The following C10orf67 variants were observed in gnomAD, a reference collection of about 807,000 sequenced individuals.
C10orf67 encodes the protein uncharacterized protein C10orf67, mitochondrial.
Under a neutral mutation model 35.6 loss-of-function variants are expected in C10orf67, and 60 were observed. The observed-to-expected ratio is 1.68, with a 90% confidence interval of 1.37 to 2.09. The LOEUF is 2.09. Among genes scored for constraint, C10orf67 ranks in the 30% most tolerant of loss-of-function variants. C10orf67 has a pLI of 0.00. For synonymous variants in C10orf67, 167 were observed against 115.8 expected (o/e 1.44, Z -2.84); for missense variants, 474 against 330.2 (o/e 1.44, Z -3.38).
chr10:23,245,652 G>A (rs961038456), intron 12 of C10orf67, among the ~76,000 whole-genome samples: 2 of 152,122 alleles, frequency 1.3e-5, no homozygotes, highest in Non-Finnish European at 2.9e-5. Flanking sequence ...ACCACAATAA[G>A]ATATCACCTC....
rs1843666416 is a variant in C10orf67 at position 23,289,930 on chromosome 10, C to T, written c.879G>A (p.Met293Ile). Residue 293 changes from methionine to isoleucine, a missense_variant, in exon 7 of 16, where the codon ATG (methionine) becomes ATA (isoleucine). Met to Ile is a conservative substitution (Grantham distance 10). Transcript: ENST00000636213. ...GAATAGTTTTGTGATCCTTTTCTGC[C>T]ATCTCTTTCATACTTATAAGTTCAT... is the stretch of plus-strand genomic sequence containing the variant. The part of the protein sequence containing the change: ...LEDELISMKE[M>I]AEKDHKTIQK... The T allele has an allele frequency of 1.4e-6, 1 of 716,830 alleles. No homozygotes were observed. The highest frequency in any genetic ancestry group is 1.5e-5 in the South Asian group (1 of 67,424). The allele number at this position is 716,830 out of a possible 1,614,324, so 44.4% of individuals were successfully genotyped here. A position where few individuals can be genotyped will look rare whatever the true frequency, so the allele number is the denominator to read the frequency against.
downstream of C10orf67, chr10:23,202,296 C>T (rs1436012022): frequency 6.6e-6 from 1 of 152,216 alleles, no homozygotes; most frequent in Non-Finnish European, 1.5e-5. Context: ...AGGAAAAGCG[C>T]TGCCAGTTGC....
intron 15 of C10orf67, among the ~76,000 whole-genome samples, chr10:23,216,605 A>C (rs948907925): frequency 3.3e-5 from 5 of 152,204 alleles, no homozygotes; most frequent in African/African-American, 1.2e-4. Flanking sequence ...TATATTGTAG[A>C]ATATTCATAT....
intron 10 of C10orf67, among the ~76,000 whole-genome samples, chr10:23,255,001 A>G (rs1355377375): frequency 1.3e-5 from 2 of 152,120 alleles, no homozygotes; most frequent in Non-Finnish European, 2.9e-5. Context: ...CCTCTTTAAA[A>G]CCTCAATCAC....
intron 2 of C10orf67, among the ~76,000 whole-genome samples, chr10:23,329,191 G>C (rs78222786): frequency 6.6e-6 from 1 of 151,690 alleles, no homozygotes; most frequent in African/African-American, 2.4e-5. Context: ...TCTGCCAAGA[G>C]TCACTAAGAA....
In C10orf67 at chr10:23,233,510, G is replaced by C. The variant is rs552730270; in HGVS notation, c.1434+6219C>G. On this transcript the variant is annotated intron_variant, in intron 13 of 15. Coordinates refer to ENST00000636213, the MANE Select transcript of C10orf67 (RefSeq NM_001371909.1). ...CTGTGGAAGTCATGATTTTTAAAAAGTAGCTGGTGAGGTTAAACATAAACA... is the reference window on the plus strand; with the variant it reads ...CTGTGGAAGTCATGATTTTTAAAAACTAGCTGGTGAGGTTAAACATAAACA... Among the ~76,000 whole-genome samples the C allele has an allele frequency of 3.3e-5, 5 of 152,306 alleles. No individual in the cohort carries two copies. In the South Asian group the frequency reaches 8.3e-4, roughly 25 times the overall value.
rs567577857 is a variant in C10orf67, at chr10:23,295,091, G to A, written c.703-3812C>T. On this transcript the variant is annotated intron_variant, in intron 5 of 15. Transcript: ENST00000636213. ...GGAGAGCAGACACGTATGCTTTGTC[G>A]GGGTCTCCAGGAGAAATCCATACAC... Among the ~76,000 whole-genome samples the A allele has an allele frequency of 7.9e-5, 12 of 152,262 alleles. No individual in the cohort carries two copies. The East Asian group carries it at 1.9e-3, about 25-fold the overall frequency.
chr10:23,311,980 A>C (rs770949955), intron 4 of C10orf67, among the ~76,000 whole-genome samples: 35 of 152,220 alleles, frequency 2.3e-4, no homozygotes, highest in Admixed American at 5.9e-4. Flanking sequence ...CAAAGGCGAT[A>C]TATCAACCTT....
intron 12 of C10orf67, among the ~76,000 whole-genome samples, chr10:23,243,055 C>G (rs1842223673): frequency 6.6e-6 from 1 of 152,100 alleles, no homozygotes; most frequent in Non-Finnish European, 1.5e-5. Context: ...ACCATGCACT[C>G]TTAACCAAAT....
At chr10:23,328,786 C>T (rs1395429715) in intron 2 of C10orf67, among the ~76,000 whole-genome samples, 1 of 150,662 alleles carries the variant, frequency 6.6e-6, no homozygotes, top group Non-Finnish European at 1.5e-5. Context: ...AAGTTTGAGG[C>T]CAGCCTGGGC....
intron 2 of C10orf67, among the ~76,000 whole-genome samples, chr10:23,328,929 G>A (rs1304831313): frequency 3.5e-5 from 5 of 144,820 alleles, no homozygotes; most frequent in East Asian, 2.0e-4. Flanking sequence ...AGGCTGCAGT[G>A]AGCCATGATT....
chr10:23,342,094 T>A (rs1176516931), intron 1 of C10orf67, among the ~76,000 whole-genome samples: 1 of 151,622 alleles, frequency 6.6e-6, no homozygotes, highest in Admixed American at 6.6e-5. Flanking sequence ...ACTCCAGGAG[T>A]TCAAGGCTGC....
intron 15 of C10orf67, among the ~76,000 whole-genome samples, chr10:23,216,335 C>G (rs947057185): frequency 2.0e-5 from 3 of 151,994 alleles, no homozygotes; most frequent in African/African-American, 7.2e-5. Flanking sequence ...ATCATATCAG[C>G]AAAAATTAAA....
intron 4 of C10orf67, among the ~76,000 whole-genome samples, chr10:23,311,422 C>T (rs1844488668): frequency 6.6e-6 from 1 of 152,146 alleles, no homozygotes; most frequent in Non-Finnish European, 1.5e-5. Flanking sequence ...TTTGAAATTC[C>T]AGCTTGGGGC....
intron 5 of C10orf67, among the ~76,000 whole-genome samples, chr10:23,299,236 G>A (rs1201718989): frequency 6.6e-6 from 1 of 152,106 alleles, no homozygotes; most frequent in Non-Finnish European, 1.5e-5. Context: ...GTATTGCAGG[G>A]GCTATTGCAT....
chr10:23,340,349 C>CAAAAAAA (rs34098221), intron 1 of C10orf67, among the ~76,000 whole-genome samples: 20 of 118,590 alleles, frequency 1.7e-4, no homozygotes, highest in South Asian at 5.7e-4. Flanking sequence ...TACAAAAATA[C>CAAAAAAA]AAAAAAAAAA....
At chr10:23,287,215 A>T in intron 7 of C10orf67, among the ~76,000 whole-genome samples, 1 of 152,228 alleles carries the variant, frequency 6.6e-6, no homozygotes, top group South Asian at 2.1e-4. Context: ...ACACTACCTA[A>T]CTTCAAACTA....
At chr10:23,293,854 T>C (rs1033052025) in intron 5 of C10orf67, among the ~76,000 whole-genome samples, 11 of 152,206 alleles carry the variant, frequency 7.2e-5, no homozygotes, top group African/African-American at 2.7e-4. Flanking sequence ...GCTCCTCAAA[T>C]GCGGTCCATG....
chr10:23,327,169 A>G (rs1408586426), intron 2 of C10orf67, among the ~76,000 whole-genome samples: 1 of 152,110 alleles, frequency 6.6e-6, no homozygotes, highest in Non-Finnish European at 1.5e-5. Flanking sequence ...AAAAGTTAAT[A>G]CAATCATTGG....
Sources: gnomAD v4.1 joint callset for allele counts (sites outside exome capture counted in the v4.1 genomes callset) on GRCh38, gnomAD v4.1.1 for gene constraint, MANE v1.5 for transcripts, NCBI Gene and HGNC (gene_info 2026-07-23, HGNC 2026-07-21) for gene names.